The following ARB2A variants were observed in gnomAD, a reference collection of about 807,000 sequenced individuals.
ARB2A encodes the protein cotranscriptional regulator ARB2A.
the ARB2A span, among the ~76,000 whole-genome samples, chr5:93,851,467 T>C: frequency 2.6e-5 from 4 of 152,218 alleles, no homozygotes; most frequent in Admixed American, 1.3e-4. Context: ...TTTATTATTA[T>C]TATACTTTAA....
At chr5:93,686,124 G>T in the ARB2A span, among the ~76,000 whole-genome samples, 1 of 152,170 alleles carries the variant, frequency 6.6e-6, no homozygotes, top group African/African-American at 2.4e-5. Flanking sequence ...GGTGGGGAGG[G>T]TGGTATTATT....
chr5:94,022,403 T>A, the ARB2A span, among the ~76,000 whole-genome samples: 1 of 152,130 alleles, frequency 6.6e-6, no homozygotes, highest in Non-Finnish European at 1.5e-5. Context: ...TCAGAAAGAC[T>A]GCATACAATG....
the ARB2A span, among the ~76,000 whole-genome samples, chr5:93,719,889 T>A: frequency 7.2e-4 from 110 of 152,338 alleles, 1 homozygote; most frequent in African/African-American, 2.5e-3. Flanking sequence ...TTTGTTGAGC[T>A]TCTTTTCTCA....
the ARB2A span, among the ~76,000 whole-genome samples, chr5:93,664,994 T>G: frequency 1.3e-5 from 2 of 152,030 alleles, no homozygotes; most frequent in Admixed American, 6.6e-5. Flanking sequence ...GCCTGGCTAA[T>G]TTTTGTATTT....
At chr5:94,065,555 C>T in the ARB2A span, among the ~76,000 whole-genome samples, 1 of 151,872 alleles carries the variant, frequency 6.6e-6, no homozygotes, top group Non-Finnish European at 1.5e-5. Context: ...CAAACGAAAA[C>T]CAAAAGTGAG....
At chr5:93,830,871 C>T in the ARB2A span, among the ~76,000 whole-genome samples, 1 of 152,024 alleles carries the variant, frequency 6.6e-6, no homozygotes, top group Non-Finnish European at 1.5e-5. Context: ...ATACAACTAA[C>T]CATAATTTAG....
At chr5:94,085,502 C>T in the ARB2A span, among the ~76,000 whole-genome samples, 1 of 152,184 alleles carries the variant, frequency 6.6e-6, no homozygotes, top group African/African-American at 2.4e-5. Context: ...GCCTCCCATA[C>T]TCAAACAGAT....
At chr5:93,996,905 T>C in the ARB2A span, among the ~76,000 whole-genome samples, 1 of 152,072 alleles carries the variant, frequency 6.6e-6, no homozygotes, top group Non-Finnish European at 1.5e-5. Flanking sequence ...GTGTAATTCT[T>C]GTTCTCTGCC....
chr5:93,686,208 AAAAT>A, the ARB2A span, among the ~76,000 whole-genome samples: 3 of 152,206 alleles, frequency 2.0e-5, no homozygotes, highest in Non-Finnish European at 4.4e-5. Flanking sequence ...GAGTCTCTCA[AAAAT>A]AAATAAAGGT....
the ARB2A span, among the ~76,000 whole-genome samples, chr5:93,846,457 G>T: frequency 6.6e-6 from 1 of 151,912 alleles, no homozygotes; most frequent in African/African-American, 2.4e-5. Flanking sequence ...AGCTATGATT[G>T]TGTCACTGCA....
chr5:93,736,759 C>A, the ARB2A span: 3 of 152,090 alleles, frequency 2.0e-5, no homozygotes, highest in Non-Finnish European at 4.4e-5. Context: ...AAAACCCATA[C>A]CCTCGCATAT....
the ARB2A span, among the ~76,000 whole-genome samples, chr5:93,800,644 G>A: frequency 6.6e-6 from 1 of 152,128 alleles, no homozygotes. Context: ...TGTCCTTAGA[G>A]ATTACAGGTG....
At chr5:93,966,832 C>T in the ARB2A span, among the ~76,000 whole-genome samples, 2 of 152,012 alleles carry the variant, frequency 1.3e-5, no homozygotes, top group Non-Finnish European at 2.9e-5. Context: ...ACATACTACT[C>T]GAATATCGTT....
the ARB2A span, among the ~76,000 whole-genome samples, chr5:93,910,021 A>T: frequency 2.0e-5 from 3 of 151,132 alleles, no homozygotes; most frequent in Non-Finnish European, 4.5e-5. Flanking sequence ...ATATATTCAA[A>T]CATTTGTAAC....
the ARB2A span, among the ~76,000 whole-genome samples, chr5:93,912,926 A>G: frequency 6.6e-6 from 1 of 151,894 alleles, no homozygotes; most frequent in Non-Finnish European, 1.5e-5. Flanking sequence ...AAAATTTAGC[A>G]TACATATTAC....
chr5:93,810,784 T>C, the ARB2A span, among the ~76,000 whole-genome samples: 1 of 151,978 alleles, frequency 6.6e-6, no homozygotes, highest in Non-Finnish European at 1.5e-5. Flanking sequence ...CAGTATAGCA[T>C]GGTGGTTATG....
chr5:94,010,827 T>C, the ARB2A span, among the ~76,000 whole-genome samples: 9 of 151,802 alleles, frequency 5.9e-5, no homozygotes, highest in African/African-American at 2.2e-4. Context: ...TTAAAACAAC[T>C]AAAGGCACAA....
chr5:93,791,839 A>G, the ARB2A span, among the ~76,000 whole-genome samples: 1 of 152,166 alleles, frequency 6.6e-6, no homozygotes, highest in African/African-American at 2.4e-5. Context: ...GAGAGCAGTA[A>G]TAACTTCCTT....
the ARB2A span, among the ~76,000 whole-genome samples, chr5:94,028,526 C>G: frequency 6.6e-6 from 1 of 152,118 alleles, no homozygotes; most frequent in African/African-American, 2.4e-5. Flanking sequence ...CAGAATTACC[C>G]AAGAACACTA....
Sources: gnomAD v4.1 joint callset for allele counts (sites outside exome capture counted in the v4.1 genomes callset) on GRCh38, gnomAD v4.1.1 for gene constraint, MANE v1.5 for transcripts, NCBI Gene and HGNC (gene_info 2026-07-23, HGNC 2026-07-21) for gene names.